The following WWOX variants were observed in gnomAD, a reference collection of about 807,000 sequenced individuals.
WWOX encodes WW domain-containing oxidoreductase.
WWOX carries 69 observed loss-of-function variants against 46.2 expected under a neutral mutation model. The observed-to-expected ratio is 1.49, with a 90% CI of 1.23 to 1.82. The LOEUF (loss-of-function observed/expected upper bound fraction) is 1.82. Ranked by LOEUF, WWOX falls within the 40% of genes most tolerant of loss-of-function variation. The pLI, the probability that WWOX is intolerant of heterozygous loss-of-function variation, is 0.00. For missense variants in WWOX, 919 were observed against 542.6 expected (o/e 1.69, Z -6.89); for synonymous variants, 359 against 202.6 (o/e 1.77, Z -6.56).
chr16:79,074,950 T>C (rs1415925764), intron 8 of WWOX, among the ~76,000 whole-genome samples: 1 of 152,170 alleles, frequency 6.6e-6, no homozygotes, highest in Non-Finnish European at 1.5e-5. Context: ...GGAAGGACAT[T>C]GTTTTAAGTG....
chr16:78,584,488 A>G (rs938409413), intron 8 of WWOX, among the ~76,000 whole-genome samples: 1 of 152,326 alleles, frequency 6.6e-6, no homozygotes, highest in Non-Finnish European at 1.5e-5. Context: ...TGCTGTGAGG[A>G]TTAAAGACAA....
At chr16:78,778,472 T>A (rs768026699) in intron 8 of WWOX, among the ~76,000 whole-genome samples, 2 of 152,190 alleles carry the variant, frequency 1.3e-5, no homozygotes, top group Non-Finnish European at 2.9e-5. Flanking sequence ...ATGTCACATG[T>A]TCAGGCTGTA....
At chr16:78,448,347 A>G (rs998128512) in intron 8 of WWOX, among the ~76,000 whole-genome samples, 2 of 152,152 alleles carry the variant, frequency 1.3e-5, no homozygotes, top group Non-Finnish European at 1.5e-5. Flanking sequence ...TTACCTCAAT[A>G]TTTAGCAGGT....
intron 8 of WWOX, among the ~76,000 whole-genome samples, chr16:78,746,067 T>C (rs1028418476): frequency 3.9e-5 from 6 of 152,116 alleles, no homozygotes; most frequent in Non-Finnish European, 7.4e-5. Context: ...GAAGCCAAAA[T>C]GCTCAGGAAA....
At chr16:78,477,890 A>G (rs2084390614) in intron 8 of WWOX, among the ~76,000 whole-genome samples, 1 of 152,204 alleles carries the variant, frequency 6.6e-6, no homozygotes, top group African/African-American at 2.4e-5. Context: ...GGGAGGAAGT[A>G]TAAAAGATAT....
intron 8 of WWOX, among the ~76,000 whole-genome samples, chr16:79,209,806 C>T (rs949449607): frequency 2.6e-5 from 4 of 152,106 alleles, no homozygotes; most frequent in African/African-American, 9.7e-5. Flanking sequence ...CCAGATAAAC[C>T]CCTTGAAGTT....
At chr16:78,467,530 G>C (rs1441980187) in intron 8 of WWOX, among the ~76,000 whole-genome samples, 1 of 152,086 alleles carries the variant, frequency 6.6e-6, no homozygotes, top group Non-Finnish European at 1.5e-5. Context: ...AGACTTTTTA[G>C]TTTAAACTGA....
chr16:78,668,559 G>T (rs72794802), intron 8 of WWOX, among the ~76,000 whole-genome samples: 4,651 of 152,252 alleles, frequency 0.031, 94 homozygotes, highest in Non-Finnish European at 0.048. Flanking sequence ...TGTGGCAAGG[G>T]GCGTGACAAA....
At chr16:78,596,664 G>A (rs1393806945) in intron 8 of WWOX, among the ~76,000 whole-genome samples, 2 of 152,198 alleles carry the variant, frequency 1.3e-5, no homozygotes, top group African/African-American at 2.4e-5. Context: ...CACGGACTGT[G>A]TCATTGGAAG....
chr16:78,959,281 A>G (rs948391616), intron 8 of WWOX, among the ~76,000 whole-genome samples: 9 of 152,110 alleles, frequency 5.9e-5, no homozygotes, highest in African/African-American at 2.2e-4. Flanking sequence ...TAATTCATTT[A>G]TTTTTCAAAA....
At chr16:78,829,216 A>T (rs1210784158) in intron 8 of WWOX, among the ~76,000 whole-genome samples, 1 of 152,192 alleles carries the variant, frequency 6.6e-6, no homozygotes, top group African/African-American at 2.4e-5. Flanking sequence ...TGGCTCACAC[A>T]ATTATGGAAG....
At chr16:78,428,393 C>T (rs1011082583) in intron 7 of WWOX, among the ~76,000 whole-genome samples, 1 of 152,162 alleles carries the variant, frequency 6.6e-6, no homozygotes, top group Non-Finnish European at 1.5e-5. Context: ...GGAGGACTGT[C>T]AGTGCTAGCT....
intron 5 of WWOX, among the ~76,000 whole-genome samples, chr16:78,210,321 C>T (rs560678860): frequency 2.6e-4 from 39 of 152,270 alleles, no homozygotes; most frequent in Non-Finnish European, 3.2e-4. Flanking sequence ...TTCAGGCAGT[C>T]GATACCACTG....
intron 8 of WWOX, among the ~76,000 whole-genome samples, chr16:78,689,465 G>A (rs1299927498): frequency 6.6e-6 from 1 of 152,164 alleles, no homozygotes; most frequent in Non-Finnish European, 1.5e-5. Flanking sequence ...GCTCCTCAGA[G>A]CCCACTTCTC....
chr16:78,821,107 T>C (rs1188136016), intron 8 of WWOX, among the ~76,000 whole-genome samples: 2 of 152,194 alleles, frequency 1.3e-5, no homozygotes, highest in South Asian at 2.1e-4. Flanking sequence ...GGGGACACTA[T>C]TGAACCCACT....
chr16:78,576,325 T>C (rs1004485147), intron 8 of WWOX, among the ~76,000 whole-genome samples: 6 of 152,220 alleles, frequency 3.9e-5, no homozygotes, highest in Non-Finnish European at 7.3e-5. Context: ...CTTTCTTTTA[T>C]TCAAAATTTA....
chr16:78,223,600 C>T (rs11646240), intron 5 of WWOX, among the ~76,000 whole-genome samples: 13,110 of 152,122 alleles, frequency 0.086, 705 homozygotes, highest in Admixed American at 0.16. Context: ...ATGCAAAGTG[C>T]TCAGCGTCCC....
At chr16:78,322,487 A>G (rs1334681810) in intron 5 of WWOX, among the ~76,000 whole-genome samples, 1 of 152,198 alleles carries the variant, frequency 6.6e-6, no homozygotes, top group African/African-American at 2.4e-5. Context: ...ACCCAGTGAG[A>G]TAGATGTTAT....
At chr16:78,912,766 C>G (rs1047058981) in intron 8 of WWOX, among the ~76,000 whole-genome samples, 10 of 151,930 alleles carry the variant, frequency 6.6e-5, no homozygotes, top group African/African-American at 2.2e-4. Flanking sequence ...AAACCAACTT[C>G]TAGTCAAGTT....
Sources: allele counts gnomAD v4.1 joint callset (sites outside exome capture counted in the v4.1 genomes callset), GRCh38; gene constraint gnomAD v4.1.1; transcripts MANE v1.5; gene names NCBI Gene and HGNC (gene_info 2026-07-23, HGNC 2026-07-21).